Variants in NKD1 observed in about 807,000 individuals in gnomAD.
NKD1 encodes the protein protein naked cuticle homolog 1.
A neutral mutation model predicts 56.0 loss-of-function variants in NKD1; 21 were observed. The observed-to-expected ratio is 0.38, with a 90% CI of 0.27 to 0.54. NKD1 has a LOEUF of 0.54. Among genes scored for constraint, NKD1 ranks in the 20% least tolerant of loss-of-function variants. The probability of loss-of-function intolerance (pLI) is 0.82; values close to 1 mark genes in which losing one functional copy is unlikely to be tolerated. For synonymous variants in NKD1, 263 were observed against 265.7 expected (o/e 0.99, Z 0.10); for missense variants, 578 against 642.7 (o/e 0.90, Z 1.09).
chr16:50,585,306 C>T (rs1355071186), intron 3 of NKD1, among the ~76,000 whole-genome samples: 2 of 152,196 alleles, frequency 1.3e-5, no homozygotes, highest in Non-Finnish European at 2.9e-5. Context: ...GGGATGCTGG[C>T]ACTTCCCAAT....
At chr16:50,588,533 T>C (rs534085542) in intron 3 of NKD1, among the ~76,000 whole-genome samples, 1 of 152,202 alleles carries the variant, frequency 6.6e-6, no homozygotes, top group South Asian at 2.1e-4. Context: ...GTAGGCTGGG[T>C]TGAAATCCCA....
At chr16:50,608,251 T>A in intron 3 of NKD1, 43 bp from the exon 4 acceptor site, 2 of 1,403,614 alleles carry the variant, frequency 1.4e-6, no homozygotes, top group Non-Finnish European at 2.0e-6. Flanking sequence ...AGCACTGGGC[T>A]CCCCCAACCC....
At chr16:50,583,550 G>A (rs1961164470) in intron 3 of NKD1, among the ~76,000 whole-genome samples, 1 of 152,172 alleles carries the variant, frequency 6.6e-6, no homozygotes, top group Non-Finnish European at 1.5e-5. Flanking sequence ...CAACTGCCCA[G>A]CTGAGGCCAG....
At chr16:50,617,697 T>C (rs1961993936) in intron 4 of NKD1, among the ~76,000 whole-genome samples, 1 of 152,170 alleles carries the variant, frequency 6.6e-6, no homozygotes, top group South Asian at 2.1e-4. Context: ...CCCAGATTCA[T>C]ATGGGCTGAC....
At chr16:50,629,776 CAA>C (rs1160412131) in intron 6 of NKD1, among the ~76,000 whole-genome samples, 1 of 152,006 alleles carries the variant, frequency 6.6e-6, no homozygotes, top group Non-Finnish European at 1.5e-5. Flanking sequence ...AACAAACAAA[CAA>C]AAATCCAAAG....
At chr16:50,574,039 T>G (rs1960941483) in intron 3 of NKD1, 2 of 893,780 alleles carry the variant, frequency 2.2e-6, no homozygotes, top group East Asian at 1.2e-4. Flanking sequence ...GTCTTTTCAG[T>G]ACTTTTTGAA....
intron 3 of NKD1, among the ~76,000 whole-genome samples, chr16:50,551,286 C>T (rs929973293): frequency 4.6e-5 from 7 of 152,194 alleles, no homozygotes; most frequent in African/African-American, 1.2e-4. Context: ...GGTGAAGTCA[C>T]GGAATTCTGT....
chr16:50,614,939 C>T (rs556913272), intron 4 of NKD1, among the ~76,000 whole-genome samples: 1 of 152,304 alleles, frequency 6.6e-6, no homozygotes, highest in East Asian at 1.9e-4. Flanking sequence ...TTAGCTTCTT[C>T]ATAAACTCTT....
chr16:50,612,451 G>C (rs974526999), intron 4 of NKD1, among the ~76,000 whole-genome samples: 1 of 152,250 alleles, frequency 6.6e-6, no homozygotes, highest in Non-Finnish European at 1.5e-5. Context: ...GGGCTCTGCT[G>C]GGCCCTGGGT....
chr16:50,582,964 G>A (rs1383258766), intron 3 of NKD1, among the ~76,000 whole-genome samples: 2 of 152,158 alleles, frequency 1.3e-5, no homozygotes, highest in Non-Finnish European at 2.9e-5. Flanking sequence ...CCGAGATTGC[G>A]CCCCTGCACT....
At chr16:50,574,997 C>A (rs970957570) in intron 3 of NKD1, 2 of 985,160 alleles carry the variant, frequency 2.0e-6, no homozygotes, top group Admixed American at 1.2e-4. Context: ...GTGCTTCTCA[C>A]AGCTTGATTT....
chr16:50,589,114 C>T (rs1213833790), intron 3 of NKD1, among the ~76,000 whole-genome samples: 1 of 152,118 alleles, frequency 6.6e-6, no homozygotes, highest in Non-Finnish European at 1.5e-5. Flanking sequence ...ATGTCCTCTC[C>T]GACCCCAGCA....
intron 3 of NKD1, chr16:50,566,087 G>A (rs748068797): frequency 1.1e-5 from 10 of 890,830 alleles, no homozygotes; most frequent in Non-Finnish European, 1.3e-5. Context: ...TCTGGCTGGT[G>A]TCTACAAAAT....
At chr16:50,548,967 A>G in intron 2 of NKD1, 1 of 875,228 alleles carries the variant, frequency 1.1e-6, no homozygotes, top group Non-Finnish European at 1.3e-6. Flanking sequence ...GCTGACCCTC[A>G]ACCCCTCCCC....
intron 3 of NKD1, among the ~76,000 whole-genome samples, chr16:50,581,347 G>A (rs912805413): frequency 1.4e-4 from 21 of 152,222 alleles, no homozygotes; most frequent in African/African-American, 4.8e-4. Context: ...GGAATATGGA[G>A]TTTTCGTATT....
chr16:50,608,512 G>T, intron 4 of NKD1, 152 bp downstream of exon 4: 11 of 620,944 alleles, frequency 1.8e-5, no homozygotes, highest in East Asian at 3.0e-5. Context: ...TAGAGGGTGG[G>T]ATGGAGGAGA....
rs1398730917 is a variant in NKD1 at position 50,642,872 on chromosome 16, T to C, written c.*9091T>C. The C allele has an allele frequency of 6.6e-6, 1 of 152,218 alleles. No individual in the cohort carries two copies. Among genetic ancestry groups the C allele is most frequent in the East Asian group, 1.9e-4 (1 of 5,200 alleles). The allele number at this position is 152,218 out of a possible 1,614,324, so 9.4% of individuals were successfully genotyped here. ...GGACATGACTTTTCCCTCTCAAGTT[T>C]GATGGGATCACTCTGTTCCTTCCAG... On this transcript the variant is annotated 3_prime_UTR_variant, in exon 10 of 10. Transcript: ENST00000268459.
Position 50,595,084 on chromosome 16 carries a change from C to A in NKD1, c.193-13210C>A, listed in dbSNP as rs147693420. 4.1e-4 allele frequency among the ~76,000 whole-genome samples: 62 copies of A among 152,338 alleles called. 1 individual carries two copies. Among genetic ancestry groups the A allele is most frequent in the African/African-American group, 1.4e-3 (59 of 41,580 alleles). On this transcript the variant is annotated intron_variant, in intron 3 of 9. Transcript: ENST00000268459. Reference sequence around the variant, plus strand: ...AAAGGTGGGCTTGTTGGTCTGGGTGCTCCAGCCCTTGGCAGTCAGGGTGTG... The same window carrying A: ...AAAGGTGGGCTTGTTGGTCTGGGTGATCCAGCCCTTGGCAGTCAGGGTGTG...
chr16:50,597,451 A>G (rs1961498279), intron 3 of NKD1, among the ~76,000 whole-genome samples: 1 of 152,204 alleles, frequency 6.6e-6, no homozygotes, highest in African/African-American at 2.4e-5. Flanking sequence ...TATTTTTTTC[A>G]GTATAAAAGG....
Sources: gnomAD v4.1 joint callset for allele counts (sites outside exome capture counted in the v4.1 genomes callset) on GRCh38, gnomAD v4.1.1 for gene constraint, MANE v1.5 for transcripts, NCBI Gene and HGNC (gene_info 2026-07-23, HGNC 2026-07-21) for gene names.